Variants in CDCP1 observed in about 807,000 individuals in gnomAD.
CDCP1 encodes the protein CUB domain-containing protein 1.
Under a neutral mutation model 60.2 loss-of-function variants are expected in CDCP1, and 29 were observed. The observed-to-expected ratio is 0.48, with a 90% CI of 0.36 to 0.66. The LOEUF is 0.66. Ranked by LOEUF, CDCP1 falls within the 30% of genes least tolerant of loss-of-function variation. CDCP1 has a pLI of 0.00. For missense variants in CDCP1, 876 were observed against 1,074.3 expected, an observed-to-expected ratio of 0.82 and a Z score of 2.58; for synonymous variants, 387 against 431.1, an observed-to-expected ratio of 0.90 and a Z score of 1.27.
chr3:45,139,689 G>GCCCAT (rs2126009993), intron 1 of CDCP1: 1 of 152,362 alleles, frequency 6.6e-6, no homozygotes, highest in South Asian at 2.1e-4. Flanking sequence ...TGTGAAAACA[G>GCCCAT]CCCATCAACA....
In CDCP1 at chr3:45,110,624, G is replaced by A. The variant is rs1332050314; in HGVS notation, c.873C>T (p.Asn291=). The change falls in exon 4 of 9, where the codon AAC becomes AAT. Residue 291 remains asparagine, a synonymous_variant. Coordinates refer to ENST00000296129, the MANE Select transcript of CDCP1 (RefSeq NM_022842.5). ...TGTCCTCCAGCTTGAACACCTCGGG[G>A]TTGGTGGTGGAGCCCGGGATGTAGT... ...VEYYIPGSTT[N]PEVFKLEDKQ... 6.2e-7 allele frequency: 1 copy of A among 1,614,208 alleles called. No individual in the cohort carries two copies. Among genetic ancestry groups the A allele is most frequent in the African/African-American group, 1.3e-5 (1 of 75,046 alleles).
rs1699392433 is a variant in CDCP1 at position 45,146,373 on chromosome 3, C to A, written c.-86G>T. 8.3e-7 allele frequency: 1 copy of A among 1,205,294 alleles called. No individual in the cohort carries two copies. Among genetic ancestry groups the A allele is most frequent in the Non-Finnish European group, 1.1e-6 (1 of 895,878 alleles). 74.7% of individuals were successfully genotyped at this position (1,205,294 alleles called of 1,614,324 possible). A position where few individuals can be genotyped will look rare whatever the true frequency, so the allele number is the denominator to read the frequency against. Reference sequence around the variant, plus strand: ...GCCCAAGCCCGGCGCAGCTGCGCTCCGCCCTGGCTCACTCACCTGCGCGCG... The same window carrying A: ...GCCCAAGCCCGGCGCAGCTGCGCTCAGCCCTGGCTCACTCACCTGCGCGCG... On this transcript the variant is annotated 5_prime_UTR_variant, in exon 1 of 9. Transcript: ENST00000296129.
At position 45,082,415 on chromosome 3, in the gene CDCP1, T is replaced by G. The variant is rs1046610576; in HGVS notation, c.*3223A>C. 3.9e-5 allele frequency: 6 copies of G among 152,302 alleles called. No homozygotes were observed. Among genetic ancestry groups the G allele is most frequent in the African/African-American group, 1.2e-4 (5 of 41,578 alleles). The allele number at this position is 152,302 out of a possible 1,614,324, so 9.4% of individuals were successfully genotyped here. On this transcript the variant is annotated 3_prime_UTR_variant, in exon 9 of 9. Transcript: ENST00000296129. Reference sequence around the variant, plus strand: ...ATCATCCACAAATTAAGACAGCATCTGCTGAGCCCATGCTGAGCCTGTCAC... The same window carrying G: ...ATCATCCACAAATTAAGACAGCATCGGCTGAGCCCATGCTGAGCCTGTCAC...
chr3:45,133,277 G>A (rs1465269829), intron 1 of CDCP1, among the ~76,000 whole-genome samples: 2 of 151,936 alleles, frequency 1.3e-5, no homozygotes, highest in African/African-American at 2.4e-5. Context: ...GCCTGACAAC[G>A]TCTTGATCTT....
At chr3:45,126,536 G>A (rs929087487) in intron 1 of CDCP1, among the ~76,000 whole-genome samples, 2 of 152,086 alleles carry the variant, frequency 1.3e-5, no homozygotes, top group African/African-American at 4.8e-5. Context: ...TGACTTGGCC[G>A]GGTCCATTTA....
chr3:45,138,521 G>T (rs77283045), intron 1 of CDCP1, among the ~76,000 whole-genome samples: 4,631 of 152,300 alleles, frequency 0.03, 113 homozygotes, highest in East Asian at 0.073. Flanking sequence ...TGCTATAAAG[G>T]AATACCTAAA....
At chr3:45,145,708 A>G (rs185438648) in intron 1 of CDCP1, among the ~76,000 whole-genome samples, 12 of 152,158 alleles carry the variant, frequency 7.9e-5, no homozygotes, top group East Asian at 1.9e-4. Flanking sequence ...GGAAATGCGG[A>G]CGTGAAAGCA....
rs529586707 is a variant in CDCP1, at chr3:45,086,788, C to A, written c.2082-721G>T. ...GTACTTGGACCTGCATGGGCATTAG[C>A]GCTTGCTGCCACAGAAAACAAAGCT... On this transcript the variant is annotated intron_variant, in intron 8 of 8. Coordinates refer to ENST00000296129, the MANE Select transcript of CDCP1 (RefSeq NM_022842.5). 5.3e-5 allele frequency among the ~76,000 whole-genome samples: 8 copies of A among 152,360 alleles called. No homozygotes were observed. In the South Asian group the frequency reaches 1.7e-3, roughly 32 times the overall value.
chr3:45,089,171 A>AAG, intron 7 of CDCP1, 30 bp from the exon 8 acceptor site: 1 of 1,585,022 alleles, frequency 6.3e-7, no homozygotes, highest in Non-Finnish European at 8.7e-7. Flanking sequence ...GAGACAGATG[A>AAG]AGAGGCAGCT....
chr3:45,112,041 T>A (rs1243574244), intron 3 of CDCP1, 42 bp downstream of exon 3: 3 of 1,586,724 alleles, frequency 1.9e-6, no homozygotes, highest in Non-Finnish European at 2.6e-6. Flanking sequence ...GATGATCTTG[T>A]GTGTTTTAAC....
chr3:45,125,971 C>T (rs896140039), intron 1 of CDCP1, among the ~76,000 whole-genome samples: 5 of 152,198 alleles, frequency 3.3e-5, no homozygotes, highest in African/African-American at 1.2e-4. Flanking sequence ...GCAGCTGGGA[C>T]ATTCTGGTTC....
rs1173158664 is a variant in CDCP1, at chr3:45,085,772, G to A, written c.2377C>T (p.Pro793Ser). The A allele has an allele frequency of 6.2e-7, 1 of 1,614,030 alleles. No homozygotes were observed. The highest frequency in any genetic ancestry group is 8.5e-7 in the Non-Finnish European group (1 of 1,180,030). ...GACTCAGGAGGGGAGCGAGGAGGTG[G>A]CTCCTCAGTGGCCAACTTTGCAGTT... ...APTAKLATEE[P>S]PPRSPPESES... Residue 793 changes from proline (P) to serine (S), a missense_variant, in exon 9 of 9, where the codon CCA becomes TCA. By Grantham distance (74) the Pro-to-Ser change is moderately conservative. Around this residue, in one of 2 missense-constraint regions of CDCP1, gnomAD observed 726 missense variants for 935.7 expected, o/e 0.78. Transcript: ENST00000296129. The surrounding 1 kb of genome is among the most constrained non-coding windows in gnomAD (Gnocchi z 4.2).
At chr3:45,132,123 C>A (rs1699109613) in intron 1 of CDCP1, among the ~76,000 whole-genome samples, 1 of 151,868 alleles carries the variant, frequency 6.6e-6, no homozygotes, top group Non-Finnish European at 1.5e-5. Context: ...GTAATCCCAG[C>A]TACTCGGGAG....
chr3:45,146,450 G>T, upstream of CDCP1: 1 of 531,634 alleles, frequency 1.9e-6, no homozygotes, highest in Non-Finnish European at 3.2e-6. Context: ...AGCTGACCCG[G>T]TGCGTCCCTC....
intron 6 of CDCP1, among the ~76,000 whole-genome samples, 188 bp downstream of exon 6, chr3:45,093,088 AT>A (rs1698323505): frequency 6.6e-6 from 1 of 152,146 alleles, no homozygotes; most frequent in African/African-American, 2.4e-5. Flanking sequence ...AATCTCAGGA[AT>A]TTTCCATGCT....
At chr3:45,117,664 T>C (rs1011748381) in intron 2 of CDCP1, among the ~76,000 whole-genome samples, 1 of 151,904 alleles carries the variant, frequency 6.6e-6, no homozygotes, top group Non-Finnish European at 1.5e-5. Context: ...TGGTGTGTTC[T>C]GGGTTCACTG....
Position 45,091,055 on chromosome 3 carries a change from G to A in CDCP1, c.1993+118C>T, listed in dbSNP as rs1479224050. On this transcript the variant is annotated intron_variant, in intron 7 of 8. Transcript: ENST00000296129. The surrounding 1 kb of genome is among the most constrained non-coding windows in gnomAD (Gnocchi z 4.8). The stretch of plus-strand genomic sequence containing the variant: ...AGCACTATTGATGCAATAGCTGACT[G>A]ATACATGGACAGTCAGGACTCAATC... 10 of 1,130,430 alleles carry A rather than the reference G, an allele frequency of 8.8e-6. No homozygotes were observed. Among genetic ancestry groups the A allele is most frequent in the Middle Eastern group, 3.1e-4 (1 of 3,266 alleles). The allele number at this position is 1,130,430 out of a possible 1,614,324, so 70.0% of individuals were successfully genotyped here.
chr3:45,096,850 G>A (rs1206597915), intron 4 of CDCP1, among the ~76,000 whole-genome samples: 2 of 152,140 alleles, frequency 1.3e-5, no homozygotes, highest in African/African-American at 4.8e-5. Flanking sequence ...TACCCCAGAG[G>A]AGGGGCCTGG....
rs889021377 is a variant in CDCP1 at position 45,141,792 on chromosome 3, G to C, written c.82+4414C>G. On this transcript the variant is annotated intron_variant, in intron 1 of 8. Coordinates refer to ENST00000296129, the MANE Select transcript of CDCP1 (RefSeq NM_022842.5). ...AGTGGTTTGAAATAATTTGATTATG[G>C]CATAATTTTTATAATTTAGAATGAT... 2.0e-5 allele frequency among the ~76,000 whole-genome samples: 3 copies of C among 152,036 alleles called. No homozygotes were observed. The South Asian group carries it at 6.2e-4, about 32-fold the overall frequency.
Sources: gnomAD v4.1 joint callset for allele counts (sites outside exome capture counted in the v4.1 genomes callset) on GRCh38, gnomAD v4.1.1 for gene constraint, gnomAD v4.1.1 regional missense constraint, Gnocchi (gnomAD v3.1) non-coding constraint, MANE v1.5 for transcripts, NCBI Gene and HGNC (gene_info 2026-07-23, HGNC 2026-07-21) for gene names.